FBRS: variants seen among roughly 807,000 people sequenced by gnomAD.
FBRS encodes fibrosin.
In FBRS, 15 loss-of-function variants were observed where a neutral mutation model predicts 86.1. That is an observed-to-expected ratio of 0.17 (90% CI 0.12 to 0.27). The LOEUF (loss-of-function observed/expected upper bound fraction) is 0.27, where lower values mean the gene tolerates loss of function less well. FBRS is among the 10% of genes least tolerant of loss of function. FBRS has a pLI of 1.00. For synonymous variants in FBRS, 666 were observed against 575.8 expected, an observed-to-expected ratio of 1.16 and a Z score of -2.24; for missense variants, 1,367 against 1,301.6, an observed-to-expected ratio of 1.05 and a Z score of -0.77.
intron 6 of FBRS, 151 bp downstream of exon 6, chr16:30,663,010 CT>C (rs1484671424): frequency 3.2e-6 from 4 of 1,268,070 alleles, no homozygotes; most frequent in African/African-American, 1.5e-5. Context: ...GACTGCAGGA[CT>C]TATTTGAGTC....
chr16:30,667,275 A>G, intron 13 of FBRS, 45 bp from the exon 14 acceptor site: 1 of 1,417,722 alleles, frequency 7.1e-7, no homozygotes, highest in Non-Finnish European at 9.6e-7. Context: ...GAGGGGGACC[A>G]GACTGGCTCC....
intron 5 of FBRS, 35 bp downstream of exon 5, chr16:30,662,503 G>A (rs535227019): frequency 1.6e-5 from 25 of 1,550,568 alleles, no homozygotes; most frequent in Non-Finnish European, 2.2e-5. Flanking sequence ...AGGCACGGGA[G>A]GGCAGTGGGG....
At position 30,668,777 on chromosome 16, in the gene FBRS, G is replaced by C. The variant is rs570030199; in HGVS notation, c.2164G>C (p.Gly722Arg). 1 of 1,600,242 alleles carries C rather than the reference G, an allele frequency of 6.2e-7. No individual in the cohort carries two copies. Among genetic ancestry groups the C allele is most frequent in the Non-Finnish European group, 8.5e-7 (1 of 1,178,390 alleles). Residue 722 changes from glycine to arginine, a missense_variant, in exon 17 of 18, where the codon GGC becomes CGC. Coordinates refer to ENST00000356166, the MANE Select transcript of FBRS (RefSeq NM_001105079.3). ...GGLGSPTFNS[G>R]AVFAQKESPG... ...CTGCTTCACCCTCTGCCCAGACTCC[G>C]GCGCCGTCTTTGCCCAGAAAGAAAG...
intron 4 of FBRS, 29 bp downstream of exon 4, chr16:30,661,362 G>T: frequency 6.4e-7 from 1 of 1,550,730 alleles, no homozygotes; most frequent in Non-Finnish European, 8.7e-7. Context: ...TGGGTGGGCA[G>T]TGTCACTGCT....
Position 30,662,650 on chromosome 16 carries a change from G to A in FBRS, c.846G>A (p.Gln282=). Reference sequence around the variant, plus strand: ...CGGGCCTGGAGCGGAGCCAAGAACAGCCCCCGGGGCCCGACCCGCTGCTAG... The same window carrying A: ...CGGGCCTGGAGCGGAGCCAAGAACAACCCCCGGGGCCCGACCCGCTGCTAG... The part of the protein sequence containing the change: ...KVSGLERSQE[Q]PPGPDPLLVP... The change falls in exon 6 of 18, where the codon CAG becomes CAA. Residue 282 remains glutamine, a synonymous_variant. Transcript: ENST00000356166. The A allele has an allele frequency of 6.5e-7, 1 of 1,546,864 alleles. No homozygotes were observed. Among genetic ancestry groups the A allele is most frequent in the Non-Finnish European group, 8.7e-7 (1 of 1,144,650 alleles).
chr16:30,658,754 C>G lies in FBRS; in HGVS notation c.-765C>G, dbSNP rs1009198859. On this transcript the variant is annotated 5_prime_UTR_variant, in exon 1 of 18. Coordinates refer to ENST00000356166, the MANE Select transcript of FBRS (RefSeq NM_001105079.3). ...AGGCGGAGGCTGGAGGAGCTGGGCC[C>G]GGAGGAGGCCCCTTTAAATCTCCTT... 1 of 152,192 alleles carries G rather than the reference C, an allele frequency of 6.6e-6. No individual in the cohort carries two copies. The highest frequency in any genetic ancestry group is 1.5e-5 in the Non-Finnish European group (1 of 68,052). 9.4% of individuals were successfully genotyped at this position (152,192 alleles called of 1,614,324 possible). A position where few individuals can be genotyped will look rare whatever the true frequency, so the allele number is the denominator to read the frequency against.
At chr16:30,668,492 C>A in intron 15 of FBRS, 68 bp from the exon 16 acceptor site, 1 of 1,441,254 alleles carries the variant, frequency 6.9e-7, no homozygotes, top group Non-Finnish European at 9.7e-7. Context: ...TGCCTCTGCC[C>A]AGCCAGGCCT....
Position 30,666,900 on chromosome 16 carries a change from C to T in FBRS, c.1804-19C>T, listed in dbSNP as rs2052528583. The T allele has an allele frequency of 6.2e-7, 1 of 1,608,944 alleles. No homozygotes were observed. Among genetic ancestry groups the T allele is most frequent in the African/African-American group, 1.3e-5 (1 of 74,832 alleles). ...TTCTTTCCTTCCCTTTCCCTTTGGT[C>T]ATCCTTCTGGGGCGGCAGAAACCAG... is the stretch of plus-strand genomic sequence containing the variant. On this transcript the variant is annotated intron_variant, in intron 12 of 17. Transcript: ENST00000356166.
Position 30,661,293 on chromosome 16 carries a change from C to T in FBRS, c.676-11C>T, listed in dbSNP as rs1360677769. The T allele has an allele frequency of 3.2e-6, 5 of 1,550,844 alleles. No individual in the cohort carries two copies. The highest frequency in any genetic ancestry group is 4.4e-6 in the Non-Finnish European group (5 of 1,147,058). On this transcript the variant is annotated splice_polypyrimidine_tract_variant and intron_variant, in intron 3 of 17. Transcript: ENST00000356166. ...CCCTCTCGTGACACCTCTGTCTTTC[C>T]TTCTCCCCAGTGTGACGCGGAAAGT...
chr16:30,660,944 C>T (rs1264502573), intron 2 of FBRS, among the ~76,000 whole-genome samples: 1 of 152,098 alleles, frequency 6.6e-6, no homozygotes, highest in Non-Finnish European at 1.5e-5. Context: ...CAGAAGTTTG[C>T]TAAGAAAAGA....
rs866329857 is a variant in FBRS at position 30,659,657 on chromosome 16, C to G, written c.139C>G (p.Leu47Val). 2 of 581,038 alleles carry G rather than the reference C, an allele frequency of 3.4e-6. No individual in the cohort carries two copies. Among genetic ancestry groups the G allele is most frequent in the Non-Finnish European group, 5.7e-6 (2 of 350,450 alleles). 36.0% of individuals were successfully genotyped at this position (581,038 alleles called of 1,614,324 possible). ...RGPGGDAPRA[L>V]LAAPRGSSSS... ...TCCAGGCGGCGACGCGCCCCGGGCC[C>G]TGTTGGCCGCCCCGCGCGGCTCCTC... is the stretch of plus-strand genomic sequence containing the variant. Residue 47 changes from leucine to valine, a missense_variant, in exon 1 of 18, where the codon CTG (leucine) becomes GTG (valine). Leu to Val is a conservative substitution (Grantham distance 32, BLOSUM62 1). Coordinates refer to ENST00000356166, the MANE Select transcript of FBRS (RefSeq NM_001105079.3).
Position 30,669,543 on chromosome 16 carries a change from G to C in FBRS, c.2841G>C (p.Lys947Asn), listed in dbSNP as rs1166310392. ...AAPGTPHLLS[K>N]TPPGALLGAP... ...CGGGAACCCCTCACCTTCTCAGCAAGACCCCACCGGGAGCCCTTTTGGGGG... is the reference window on the plus strand; with the variant it reads ...CGGGAACCCCTCACCTTCTCAGCAACACCCCACCGGGAGCCCTTTTGGGGG... Residue 947 changes from lysine to asparagine, a missense_variant, in exon 18 of 18, where the codon AAG (lysine) becomes AAC (asparagine). This residue lies in a region of FBRS where 659 missense variants were observed against 678.8 expected (regional missense o/e 0.97). Transcript: ENST00000356166. This position sits in a 1 kb window ranked among gnomAD's most constrained non-coding sequence, Gnocchi z 5.9. The C allele has an allele frequency of 6.2e-7, 1 of 1,612,854 alleles. No homozygotes were observed.
Position 30,665,318 on chromosome 16 carries a change from T to C in FBRS, c.1621T>C (p.Phe541Leu). 1 of 1,563,158 alleles carries C rather than the reference T, an allele frequency of 6.4e-7. No homozygotes were observed. The highest frequency in any genetic ancestry group is 2.4e-5 in the East Asian group (1 of 41,726). Residue 541 changes from phenylalanine (F) to leucine (L), a missense_variant, in exon 10 of 18, where the codon TTC becomes CTC. Physicochemically the swap from Phe to Leu is conservative, Grantham distance 22. Around this residue, in one of 3 missense-constraint regions of FBRS, gnomAD observed 659 missense variants for 678.8 expected, o/e 0.97. Transcript: ENST00000356166. This position sits in a 1 kb window ranked among gnomAD's most constrained non-coding sequence, Gnocchi z 4.1. ...CTTCTCTCCACAGCCGTACACGGCC[T>C]TCCCTCCCGCAGTGCCCGGGCTGCC... ...GLFRHNPYTA[F>L]PPAVPGLPPG...
chr16:30,668,695 C>T, intron 16 of FBRS, 52 bp downstream of exon 16: 2 of 1,587,088 alleles, frequency 1.3e-6, no homozygotes, highest in South Asian at 2.2e-5. Context: ...GGTGAGAGCT[C>T]AGACGGTCTG....
At chr16:30,660,520 C>T (rs1352589366) in intron 2 of FBRS, 78 bp downstream of exon 2, 5 of 1,256,566 alleles carry the variant, frequency 4.0e-6, no homozygotes, top group East Asian at 6.3e-5. Context: ...GCCACTGCCC[C>T]TTGTAAACAG....
At position 30,659,915 on chromosome 16, in the gene FBRS, G is replaced by A. The variant is rs1422587709; in HGVS notation, c.397G>A (p.Glu133Lys). 3.9e-6 allele frequency: 6 copies of A among 1,551,910 alleles called. No individual in the cohort carries two copies. The highest frequency in any genetic ancestry group is 3.6e-5 in the South Asian group (3 of 84,194). The change falls in exon 1 of 18, where the codon GAG becomes AAG. Residue 133 changes from glutamate (E) to lysine (K), a missense_variant. Glu to Lys is a moderately conservative substitution (Grantham distance 56). This residue lies in a region of FBRS where 702 missense variants were observed against 598.7 expected (regional missense o/e 1.17). Transcript: ENST00000356166. Reference protein sequence around the residue: ...AEEEPEEEEEEEEDLIDGFAI... With the variant: ...AEEEPEEEEEKEEDLIDGFAI... Reference sequence around the variant, plus strand: ...GGAGGAGCCTGAGGAGGAGGAAGAGGAGGAGGAGGACTTGATCGATGGCTT... The same window carrying A: ...GGAGGAGCCTGAGGAGGAGGAAGAGAAGGAGGAGGACTTGATCGATGGCTT...
rs765187986 is a variant in FBRS, at chr16:30,665,123, C to G, written c.1608+44C>G. 6 of 1,596,498 alleles carry G rather than the reference C, an allele frequency of 3.8e-6. No homozygotes were observed. Among genetic ancestry groups the G allele is most frequent in the Non-Finnish European group, 3.4e-6 (4 of 1,172,630 alleles). On this transcript the variant is annotated intron_variant, in intron 9 of 17. Transcript: ENST00000356166. This position sits in a 1 kb window ranked among gnomAD's most constrained non-coding sequence, Gnocchi z 4.1. ...GTGCGTATGGGGTGTGTGGTGTGGG[C>G]GTGGATGCATCCATGCTTGTGACCC...
rs943698016 is a variant in FBRS, at chr16:30,662,989, T to C, written c.1055+130T>C. 3 of 1,320,490 alleles carry C rather than the reference T, an allele frequency of 2.3e-6. No individual in the cohort carries two copies. The African/African-American group carries it at 4.6e-5, about 20-fold the overall frequency. The allele number at this position is 1,320,490 out of a possible 1,614,324, so 81.8% of individuals were successfully genotyped here. Reference sequence around the variant, plus strand: ...GACTGAAAAGTTTGAGAAAAACAAATGGAAAGAGATGACTGCAGGACTTAT... The same window carrying C: ...GACTGAAAAGTTTGAGAAAAACAAACGGAAAGAGATGACTGCAGGACTTAT... On this transcript the variant is annotated intron_variant, in intron 6 of 17. Coordinates refer to ENST00000356166, the MANE Select transcript of FBRS (RefSeq NM_001105079.3).
Position 30,660,406 on chromosome 16 carries a change from G to A in FBRS, c.603G>A (p.Arg201=). ...DREPGRPPGD[R]ARKWPNKRRR... ...AGCCTGGCCGGCCCCCTGGGGATCGGGCCCGAAAATGGCCCAATAAGCGGA... is the reference window on the plus strand; with the variant it reads ...AGCCTGGCCGGCCCCCTGGGGATCGAGCCCGAAAATGGCCCAATAAGCGGA... The change falls in exon 2 of 18, where the codon CGG becomes CGA. Residue 201 remains arginine (R), a synonymous_variant. Transcript: ENST00000356166. 2 of 1,260,666 alleles carry A rather than the reference G, an allele frequency of 1.6e-6. No individual in the cohort carries two copies. The highest frequency in any genetic ancestry group is 1.0e-6 in the Non-Finnish European group (1 of 993,686). The allele number at this position is 1,260,666 out of a possible 1,614,324, so 78.1% of individuals were successfully genotyped here.
Sources: gnomAD v4.1 joint callset for allele counts (sites outside exome capture counted in the v4.1 genomes callset) on GRCh38, gnomAD v4.1.1 for gene constraint, gnomAD v4.1.1 regional missense constraint, Gnocchi (gnomAD v3.1) non-coding constraint, MANE v1.5 for transcripts, NCBI Gene and HGNC (gene_info 2026-07-23, HGNC 2026-07-21) for gene names.